ZFPM2: variants seen among roughly 807,000 people sequenced by gnomAD.
ZFPM2 encodes zinc finger protein, FOG family member 2.
In ZFPM2, 20 loss-of-function variants were observed where a neutral mutation model predicts 98.6. The ratio of observed to expected loss-of-function variants is 0.20; its 90% confidence interval spans 0.14 to 0.29. The LOEUF (loss-of-function observed/expected upper bound fraction) is 0.29, where lower values mean the gene tolerates loss of function less well. Ranked by LOEUF, ZFPM2 falls within the 10% of genes least tolerant of loss-of-function variation. The probability of loss-of-function intolerance (pLI) is 1.00; values close to 1 mark genes in which losing one functional copy is unlikely to be tolerated. For missense variants in ZFPM2, 1,310 were observed against 1,388.6 expected (o/e 0.94, Z 0.90); for synonymous variants, 518 against 502.7 (o/e 1.03, Z -0.41).
intron 3 of ZFPM2, among the ~76,000 whole-genome samples, chr8:105,534,105 C>T (rs958743102): frequency 8.8e-5 from 3 of 33,978 alleles, no homozygotes; most frequent in African/African-American, 1.6e-4. Context: ...CTCCCTTCCT[C>T]CCTTCCTTCC....
At chr8:105,761,982 T>C (rs2131073742) in intron 5 of ZFPM2, among the ~76,000 whole-genome samples, 1 of 152,086 alleles carries the variant, frequency 6.6e-6, no homozygotes, top group East Asian at 1.9e-4. Context: ...TTGCAGATTC[T>C]TTTTGTACTG....
chr8:105,473,596 A>C (rs1411172793), intron 3 of ZFPM2, among the ~76,000 whole-genome samples: 2 of 152,196 alleles, frequency 1.3e-5, no homozygotes, highest in Non-Finnish European at 2.9e-5. Context: ...AGTTGAGGAG[A>C]GCTCAAGACA....
intron 3 of ZFPM2, among the ~76,000 whole-genome samples, chr8:105,479,134 G>C (rs1813067763): frequency 6.6e-6 from 1 of 152,094 alleles, no homozygotes; most frequent in Non-Finnish European, 1.5e-5. Context: ...TAAAGTCTCT[G>C]ATTTGTCTTA....
chr8:105,721,587 TCCC>T (rs1309087291), intron 5 of ZFPM2, among the ~76,000 whole-genome samples: 1 of 151,980 alleles, frequency 6.6e-6, no homozygotes, highest in Non-Finnish European at 1.5e-5. Flanking sequence ...TGCTTTGAAT[TCCC>T]ATTGTTGCCA....
intron 2 of ZFPM2, among the ~76,000 whole-genome samples, chr8:105,435,726 A>G (rs1812106461): frequency 6.6e-6 from 1 of 152,196 alleles, no homozygotes; most frequent in Admixed American, 6.5e-5. Context: ...GCTTGGGTTA[A>G]TATGAAAATA....
chr8:105,470,671 G>C (rs1435526675), intron 3 of ZFPM2, among the ~76,000 whole-genome samples: 1 of 152,048 alleles, frequency 6.6e-6, no homozygotes, highest in Non-Finnish European at 1.5e-5. Flanking sequence ...CCAGGTATTT[G>C]GAAGGCTGAG....
intron 5 of ZFPM2, among the ~76,000 whole-genome samples, chr8:105,760,243 T>C (rs1812705410): frequency 6.6e-6 from 1 of 151,892 alleles, no homozygotes; most frequent in African/African-American, 2.4e-5. Flanking sequence ...AAAAATCACA[T>C]GTAGGGGCAA....
chr8:105,713,013 T>G (rs1451696453), intron 5 of ZFPM2, among the ~76,000 whole-genome samples: 1 of 152,088 alleles, frequency 6.6e-6, no homozygotes, highest in Non-Finnish European at 1.5e-5. Flanking sequence ...CAGGTGTTTC[T>G]TGGTAGTACA....
chr8:105,412,157 G>T (rs1373653119), intron 1 of ZFPM2, among the ~76,000 whole-genome samples: 2 of 151,772 alleles, frequency 1.3e-5, no homozygotes, highest in Admixed American at 6.6e-5. Flanking sequence ...ATTTTTATAA[G>T]ATTAAAGAGT....
chr8:105,326,193 G>T (rs1394021122), intron 1 of ZFPM2, among the ~76,000 whole-genome samples: 1 of 151,592 alleles, frequency 6.6e-6, no homozygotes. Flanking sequence ...TGCCTTTGGA[G>T]AATTCCTACA....
At chr8:105,556,702 C>T (rs1815000657) in intron 3 of ZFPM2, among the ~76,000 whole-genome samples, 1 of 124,446 alleles carries the variant, frequency 8.0e-6, no homozygotes, top group South Asian at 3.2e-4. Flanking sequence ...CTTCCCCCTT[C>T]CCTTCCCTTC....
intron 3 of ZFPM2, among the ~76,000 whole-genome samples, chr8:105,505,711 C>T (rs1013870817): frequency 2.6e-5 from 4 of 151,888 alleles, no homozygotes; most frequent in Admixed American, 1.3e-4. Flanking sequence ...TAAGAAAATT[C>T]GTAATAGTTA....
rs187015541 is a variant in ZFPM2 at position 105,407,663 on chromosome 8, G to A, written c.41-11481G>A. ...TGTGCATTTTTTTCAGTTCAAGTAA[G>A]AGAGGGCTATTGGTTGAGTAGCTGC... On this transcript the variant is annotated intron_variant, in intron 1 of 7. Coordinates refer to ENST00000407775, the MANE Select transcript of ZFPM2 (RefSeq NM_012082.4). Among the ~76,000 whole-genome samples, 517 of 152,062 alleles carry A rather than the reference G, an allele frequency of 3.4e-3. 2 individuals are homozygous for A. The highest frequency in any genetic ancestry group is 5.0e-3 in the Admixed American group (76 of 15,232).
chr8:105,729,168 A>G (rs575673426), intron 5 of ZFPM2, among the ~76,000 whole-genome samples: 2 of 151,870 alleles, frequency 1.3e-5, no homozygotes, highest in East Asian at 1.9e-4. Flanking sequence ...GTTACATATT[A>G]TATCTCTGAA....
intron 4 of ZFPM2, among the ~76,000 whole-genome samples, chr8:105,624,461 C>G (rs1363710144): frequency 6.6e-6 from 1 of 151,836 alleles, no homozygotes; most frequent in African/African-American, 2.4e-5. Flanking sequence ...GTGAAGTTGG[C>G]AAAAGGGAAA....
At chr8:105,383,006 A>C (rs1810917197) in intron 1 of ZFPM2, among the ~76,000 whole-genome samples, 1 of 152,146 alleles carries the variant, frequency 6.6e-6, no homozygotes, top group South Asian at 2.1e-4. Flanking sequence ...ATATATATTT[A>C]AATGAATAGG....
rs139930523 is a variant in ZFPM2, at chr8:105,336,688, C to CCACACACA, written c.40+17742_40+17749dup. On this transcript the variant is annotated intron_variant, in intron 1 of 7. Transcript: ENST00000407775. The stretch of plus-strand genomic sequence containing the variant: ...GATTGATATTAAAATGTAATATACT[C>CCACACACA]CACACACACACACACACACACACAC... Among the ~76,000 whole-genome samples the CCACACACA allele has an allele frequency of 3.6e-3, 511 of 142,240 alleles. 2 individuals carry two copies. Among genetic ancestry groups the CCACACACA allele is most frequent in the Middle Eastern group, 0.011 (3 of 280 alleles). 93.3% of individuals were successfully genotyped at this position (142,240 alleles called of 152,430 possible).
At chr8:105,697,191 C>A (rs1811037090) in intron 5 of ZFPM2, among the ~76,000 whole-genome samples, 1 of 152,150 alleles carries the variant, frequency 6.6e-6, no homozygotes. Context: ...TCTTACCTAC[C>A]TCCCAAATTT....
Position 105,419,164 on chromosome 8 carries a change from G to T in ZFPM2, c.61G>T (p.Glu21Ter). The change falls in exon 2 of 8, where the codon GAA becomes TAA. Residue 21 changes from glutamate to a stop codon, truncating the protein, a stop_gained. Coordinates refer to ENST00000407775, the MANE Select transcript of ZFPM2 (RefSeq NM_012082.4). LOFTEE classifies it high-confidence loss of function. ...TCAAGGGCCGCTTGAAGATGCCATT[G>T]AAGATGAGGAAGAAGAATGTCCATC... ...QIKRPLEDAI[E>*]DEEEECPSEE... The T allele has an allele frequency of 6.2e-7, 1 of 1,613,008 alleles. No individual in the cohort carries two copies.
Sources: gnomAD v4.1 joint callset for allele counts (sites outside exome capture counted in the v4.1 genomes callset) on GRCh38, gnomAD v4.1.1 for gene constraint, MANE v1.5 for transcripts, NCBI Gene and HGNC (gene_info 2026-07-23, HGNC 2026-07-21) for gene names.